The following JAG2 variants were observed in gnomAD, a reference collection of about 807,000 sequenced individuals.
The protein encoded by JAG2 is protein jagged-2.
JAG2 carries 46 observed loss-of-function variants against 141.7 expected under a neutral mutation model. That is an observed-to-expected ratio of 0.32 (90% CI 0.26 to 0.42). JAG2 has a LOEUF of 0.42. Among genes scored for constraint, JAG2 ranks in the 10% least tolerant of loss-of-function variants. The pLI is 1.00. For missense variants in JAG2, 1,500 were observed against 1,817.5 expected, an observed-to-expected ratio of 0.83 and a Z score of 3.18; for synonymous variants, 862 against 763.5, an observed-to-expected ratio of 1.13 and a Z score of -2.13.
intron 2 of JAG2, among the ~76,000 whole-genome samples, chr14:105,164,858 AG>A (rs1221896897): frequency 6.6e-6 from 1 of 152,144 alleles, no homozygotes; most frequent in Non-Finnish European, 1.5e-5. Context: ...TTCACAGGTG[AG>A]AAAAGCTCAG....
chr14:105,168,152 G>A, intron 1 of JAG2, 45 bp from the exon 2 acceptor site: 1 of 1,430,954 alleles, frequency 7.0e-7, no homozygotes, highest in African/African-American at 1.5e-5. Flanking sequence ...GCGGGCCGGG[G>A]TCGGCGGGCC....
intron 5 of JAG2, among the ~76,000 whole-genome samples, chr14:105,155,065 C>T (rs949456110): frequency 2.0e-5 from 3 of 149,224 alleles, no homozygotes; most frequent in Admixed American, 6.7e-5. Context: ...TGCTTCCCCA[C>T]TCAACAGCTA....
chr14:105,163,462 C>CCGGCTAG (rs1888817333), intron 2 of JAG2, among the ~76,000 whole-genome samples: 1 of 152,204 alleles, frequency 6.6e-6, no homozygotes, highest in African/African-American at 2.4e-5. Context: ...GCAGCCAGGG[C>CCGGCTAG]CGGCTAGCAC....
At chr14:105,150,460 C>T in intron 12 of JAG2, 144 bp downstream of exon 12, 1 of 821,340 alleles carries the variant, frequency 1.2e-6, no homozygotes, top group South Asian at 1.8e-5. Context: ...ACCTGGCACC[C>T]AGTGGAGAGC....
In JAG2 at chr14:105,154,619, T is replaced by C. The variant is rs1347318643; in HGVS notation, c.788+943A>G. ...TTGCTGACTCCTCATCCATCCGCCC[T>C]GACCTGTGGCAGCCGGGACTTGCTC... On this transcript the variant is annotated intron_variant, in intron 5 of 25. Transcript: ENST00000331782. The surrounding 1 kb of genome is among the most constrained non-coding windows in gnomAD (Gnocchi z 4.4). 2.0e-5 allele frequency among the ~76,000 whole-genome samples: 3 copies of C among 152,252 alleles called. No homozygotes were observed. Among genetic ancestry groups the C allele is most frequent in the African/African-American group, 7.2e-5 (3 of 41,560 alleles).
intron 3 of JAG2, among the ~76,000 whole-genome samples, chr14:105,156,577 C>G (rs959291039): frequency 6.6e-6 from 1 of 151,892 alleles, no homozygotes; most frequent in South Asian, 2.1e-4. Flanking sequence ...ACCAGGAGAC[C>G]AGGGGCCAGG....
chr14:105,144,430 C>T (rs1389647073), intron 24 of JAG2, among the ~76,000 whole-genome samples: 1 of 152,182 alleles, frequency 6.6e-6, no homozygotes, highest in Non-Finnish European at 1.5e-5. Context: ...CTCCACCAGC[C>T]ACACTGTGCC....
In JAG2 at chr14:105,154,919, T is replaced by C. The variant is rs1166072925; in HGVS notation, c.788+643A>G. 6.6e-6 allele frequency among the ~76,000 whole-genome samples: 1 copy of C among 151,630 alleles called. No homozygotes were observed. The highest frequency in any genetic ancestry group is 6.6e-5 in the Admixed American group (1 of 15,228). On this transcript the variant is annotated intron_variant, in intron 5 of 25. Transcript: ENST00000331782. The surrounding 1 kb of genome is among the most constrained non-coding windows in gnomAD (Gnocchi z 4.4). ...TTGATCAAATCCATCCACAAACCCC[T>C]GGGCTCCACCCCAGGATGTCTGCAG...
intron 2 of JAG2, among the ~76,000 whole-genome samples, chr14:105,165,769 C>A (rs1395461974): frequency 2.0e-5 from 3 of 152,192 alleles, no homozygotes; most frequent in Admixed American, 2.0e-4. Context: ...TCCAAGGAGC[C>A]CAAAAGCCCC....
At chr14:105,163,650 G>A (rs3784238) in intron 2 of JAG2, among the ~76,000 whole-genome samples, 98,986 of 150,174 alleles carry the variant, frequency 0.66, 33,008 homozygotes, top group African/African-American at 0.74. Flanking sequence ...CTCCGCTCAG[G>A]CCTGTGGTCT....
chr14:105,154,008 G>A lies in JAG2; in HGVS notation c.788+1554C>T, dbSNP rs1888511457. Among the ~76,000 whole-genome samples the A allele has an allele frequency of 6.6e-6, 1 of 152,202 alleles. No individual in the cohort carries two copies. The highest frequency in any genetic ancestry group is 2.1e-4 in the South Asian group (1 of 4,832). On this transcript the variant is annotated intron_variant, in intron 5 of 25. Transcript: ENST00000331782. The surrounding 1 kb of genome is among the most constrained non-coding windows in gnomAD (Gnocchi z 4.4). ...CGCTCAACCTGCCGGGAATCCCTGT[G>A]TGTGCAAGTGACCGGGTGGGCGGCC... is the stretch of plus-strand genomic sequence containing the variant.
rs956459218 is a variant in JAG2 at position 105,157,755 on chromosome 14, A to G, written c.426T>C (p.Phe142=). The G allele has an allele frequency of 2.5e-6, 4 of 1,577,460 alleles. No individual in the cohort carries two copies. The African/African-American group carries it at 5.4e-5, about 21-fold the overall frequency. The part of the protein sequence containing the change: ...IPFQFAWPRS[F]TLIVEAWDWD... ...AGTCCCAGGCCTCCACGATGAGGGT[A>G]AAGGAGCGCTGCAGACATGGGGAGG... Residue 142 remains phenylalanine, a synonymous_variant, in exon 3 of 26, where the codon TTT becomes TTC. Transcript: ENST00000331782.
At chr14:105,152,890 A>G (rs1171585710) in intron 5 of JAG2, among the ~76,000 whole-genome samples, 1 of 151,712 alleles carries the variant, frequency 6.6e-6, no homozygotes, top group Non-Finnish European at 1.5e-5. Context: ...CTCCAGCTGC[A>G]CCCCCAGCTG....
chr14:105,151,762 C>T, intron 7 of JAG2, 23 bp from the exon 8 acceptor site: 1 of 1,601,654 alleles, frequency 6.2e-7, no homozygotes, highest in Non-Finnish European at 8.5e-7. Flanking sequence ...GGGGAGGGGG[C>T]AGAGCTGGCA....
Position 105,143,075 on chromosome 14 carries a change from G to C in JAG2, c.3337C>G (p.Arg1113Gly). Reference sequence around the variant, plus strand: ...TCCCGCGGCAGCCGGCTCCTCTCCCGCTCTTTCCTGCGCTTGCGTGTCCAC... The same window carrying C: ...TCCCGCGGCAGCCGGCTCCTCTCCCCCTCTTTCCTGCGCTTGCGTGTCCAC... The part of the protein sequence containing the change: ...VWWTRKRRKE[R>G]ERSRLPREES... The change falls in exon 26 of 26, where the codon CGG becomes GGG. Residue 1113 changes from arginine to glycine, a missense_variant. Physicochemically the swap from Arg to Gly is moderately radical, Grantham distance 125 (BLOSUM62 -2). Transcript: ENST00000331782. The C allele has an allele frequency of 6.2e-7, 1 of 1,600,676 alleles. No individual in the cohort carries two copies. The highest frequency in any genetic ancestry group is 8.5e-7 in the Non-Finnish European group (1 of 1,179,436).
At chr14:105,143,969 C>T (rs1424955597) in intron 24 of JAG2, among the ~76,000 whole-genome samples, 5 of 105,358 alleles carry the variant, frequency 4.7e-5, no homozygotes, top group Admixed American at 1.3e-4. Flanking sequence ...CAGGGTCCTG[C>T]GGTGGGGACC....
Position 105,154,586 on chromosome 14 carries a change from G to A in JAG2, c.788+976C>T, listed in dbSNP as rs1344069632. 6.6e-6 allele frequency among the ~76,000 whole-genome samples: 1 copy of A among 152,130 alleles called. No homozygotes were observed. Among genetic ancestry groups the A allele is most frequent in the Non-Finnish European group, 1.5e-5 (1 of 68,008 alleles). On this transcript the variant is annotated intron_variant, in intron 5 of 25. Coordinates refer to ENST00000331782, the MANE Select transcript of JAG2 (RefSeq NM_002226.5). The surrounding 1 kb of genome is among the most constrained non-coding windows in gnomAD (Gnocchi z 4.4). ...TGTAAGACCCCGGACACTCCCTTGT[G>A]GAGGCCCTTGCTGACTCCTCATCCA...
At position 105,147,783 on chromosome 14, in the gene JAG2, G is replaced by C. The variant is rs1415685791; in HGVS notation, c.2354C>G (p.Thr785Ser). 6.5e-7 allele frequency: 1 copy of C among 1,547,088 alleles called. No homozygotes were observed. Among genetic ancestry groups the C allele is most frequent in the Admixed American group, 2.0e-5 (1 of 51,044 alleles). The change falls in exon 18 of 26, where the codon ACT becomes AGT. Residue 785 changes from threonine to serine, a missense_variant. Physicochemically the swap from Thr to Ser is moderately conservative, Grantham distance 58 (BLOSUM62 1). Around this residue, in one of 3 missense-constraint regions of JAG2, gnomAD observed 875 missense variants for 1,202.2 expected, o/e 0.73. Transcript: ENST00000331782. ...CCTCCCACACTCACTGTGAGTGCAA[G>C]TACGACCCTCCCAGCCGTCCCGGCA... The part of the protein sequence containing the change: ...CICRDGWEGR[T>S]CTHNTNDCNP...
Position 105,168,019 on chromosome 14 carries a change from C to G in JAG2, c.155G>C (p.Gly52Ala). 6.3e-7 allele frequency: 1 copy of G among 1,598,304 alleles called. No individual in the cohort carries two copies. Among genetic ancestry groups the G allele is most frequent in the South Asian group, 1.1e-5 (1 of 90,502 alleles). ...CCCCGCGCGCGTTGTCCGGCCGTCGCCGTCACAGCAGGCGCCGCTCAGCAG... is the reference window on the plus strand; with the variant it reads ...CCCCGCGCGCGTTGTCCGGCCGTCGGCGTCACAGCAGGCGCCGCTCAGCAG... ...GELLSGACCDGDGRTTRAGGC... is the reference protein window; with the variant it reads ...GELLSGACCDADGRTTRAGGC... Residue 52 changes from glycine (G) to alanine (A), a missense_variant, in exon 2 of 26, where the codon GGC becomes GCC. Gly to Ala is a moderately conservative substitution (Grantham distance 60, BLOSUM62 0). Coordinates refer to ENST00000331782, the MANE Select transcript of JAG2 (RefSeq NM_002226.5).
Sources: allele counts gnomAD v4.1 joint callset (sites outside exome capture counted in the v4.1 genomes callset), GRCh38; gene constraint gnomAD v4.1.1; regional missense constraint gnomAD v4.1.1; non-coding constraint Gnocchi (gnomAD v3.1); transcripts MANE v1.5; gene names NCBI Gene and HGNC (gene_info 2026-07-23, HGNC 2026-07-21).